MMP26: variants seen among roughly 807,000 people sequenced by gnomAD.
The protein encoded by MMP26 is matrix metallopeptidase 26.
MMP26 carries 33 observed loss-of-function variants against 31.0 expected under a neutral mutation model. That is an observed-to-expected ratio of 1.06 (90% CI 0.81 to 1.42). The LOEUF (loss-of-function observed/expected upper bound fraction) is 1.42, where lower values mean the gene tolerates loss of function less well. MMP26 is among the 40% of genes most tolerant of loss of function. The pLI, the probability that MMP26 is intolerant of heterozygous loss-of-function variation, is 0.00. For synonymous variants in MMP26, 122 were observed against 114.9 expected, an observed-to-expected ratio of 1.06 and a Z score of -0.40; for missense variants, 347 against 316.1, an observed-to-expected ratio of 1.10 and a Z score of -0.74.
At chr11:4,971,334 G>A (rs1846663333) in intron 2 of MMP26, among the ~76,000 whole-genome samples, 1 of 152,172 alleles carries the variant, frequency 6.6e-6, no homozygotes, top group African/African-American at 2.4e-5. Flanking sequence ...TCATTCAACA[G>A]GCTGTCAAAA....
At chr11:4,989,315 C>T (rs952291083) in intron 3 of MMP26, among the ~76,000 whole-genome samples, 4 of 152,146 alleles carry the variant, frequency 2.6e-5, no homozygotes, top group Admixed American at 6.5e-5. Context: ...GTCAGAAAGA[C>T]CAGAGGCCAT....
In MMP26 at chr11:4,882,608, C is replaced by T. The variant is rs775360853; in HGVS notation, c.-144-105460C>T. Reference sequence around the variant, plus strand: ...GGGCATTGTGGCCCGAAAGAAGCAACAAAAAGCTCTCAGCACTTGTGTCTG... The same window carrying T: ...GGGCATTGTGGCCCGAAAGAAGCAATAAAAAGCTCTCAGCACTTGTGTCTG... On this transcript the variant is annotated intron_variant, in intron 2 of 7. Transcript: ENST00000380390. The T allele has an allele frequency of 3.7e-6, 6 of 1,613,784 alleles. No individual in the cohort carries two copies. The East Asian group carries it at 6.7e-5, about 18-fold the overall frequency.
chr11:4,770,009 T>C (rs1171131756), intron 2 of MMP26: 32 of 676,366 alleles, frequency 4.7e-5, no homozygotes, highest in Non-Finnish European at 8.3e-5. Context: ...AGATACATTT[T>C]CTTTTAGTTA....
intron 1 of MMP26, among the ~76,000 whole-genome samples, chr11:4,726,132 C>A (rs1171857978): frequency 6.6e-6 from 1 of 152,190 alleles, no homozygotes; most frequent in Non-Finnish European, 1.5e-5. Context: ...GCCCCCCAAA[C>A]CACTAAGCTT....
intron 2 of MMP26, among the ~76,000 whole-genome samples, chr11:4,798,211 A>T (rs554841073): frequency 2.0e-5 from 3 of 152,324 alleles, no homozygotes; most frequent in Non-Finnish European, 2.9e-5. Context: ...GGGTGAAGGG[A>T]AGAGACAAGC....
intron 2 of MMP26, among the ~76,000 whole-genome samples, chr11:4,793,109 TACA>T (rs1409379575): frequency 6.6e-6 from 1 of 152,202 alleles, no homozygotes; most frequent in African/African-American, 2.4e-5. Context: ...AAGCAGTATC[TACA>T]ACAAGACTAT....
intron 1 of MMP26, among the ~76,000 whole-genome samples, chr11:4,726,411 G>A (rs1325420197): frequency 2.6e-5 from 4 of 151,732 alleles, no homozygotes; most frequent in Non-Finnish European, 4.4e-5. Flanking sequence ...GAAATGAGCC[G>A]AGATCACGCC....
intron 2 of MMP26, chr11:4,794,200 G>A (rs1022782288): frequency 6.6e-6 from 1 of 152,212 alleles, no homozygotes; most frequent in Non-Finnish European, 1.5e-5. Context: ...ATCTAGCTGA[G>A]GCAGAAGGGC....
At chr11:4,709,400 A>T (rs1300949027) in intron 1 of MMP26, among the ~76,000 whole-genome samples, 2 of 152,206 alleles carry the variant, frequency 1.3e-5, no homozygotes, top group Non-Finnish European at 2.9e-5. Context: ...TCATTCAAGA[A>T]CACATATAAG....
intron 2 of MMP26, among the ~76,000 whole-genome samples, chr11:4,939,450 G>A (rs1194672373): frequency 6.6e-6 from 1 of 152,108 alleles, no homozygotes; most frequent in Non-Finnish European, 1.5e-5. Flanking sequence ...TCAGAACACA[G>A]TTCCTCGGCT....
chr11:4,773,448 C>T (rs1291900281), intron 2 of MMP26, among the ~76,000 whole-genome samples: 1 of 152,140 alleles, frequency 6.6e-6, no homozygotes, highest in Non-Finnish European at 1.5e-5. Flanking sequence ...CCACAAGGAA[C>T]TAATAGAATC....
intron 2 of MMP26, among the ~76,000 whole-genome samples, chr11:4,984,387 G>T (rs1488027496): frequency 6.6e-6 from 1 of 152,146 alleles, no homozygotes; most frequent in Non-Finnish European, 1.5e-5. Flanking sequence ...TGCATTCTTG[G>T]CACAGCGTAT....
intron 2 of MMP26, among the ~76,000 whole-genome samples, chr11:4,887,919 G>T (rs967964623): frequency 1.3e-5 from 2 of 152,076 alleles, no homozygotes. Flanking sequence ...TCTGGGAGGA[G>T]ATAAGGAAGA....
At chr11:4,946,342 G>A (rs778619568) in intron 2 of MMP26, 1 of 1,613,834 alleles carries the variant, frequency 6.2e-7, no homozygotes. Flanking sequence ...TGATGGGCAG[G>A]TAGAAGATGA....
At chr11:4,855,623 A>C (rs1266541476) in intron 2 of MMP26, among the ~76,000 whole-genome samples, 2 of 152,226 alleles carry the variant, frequency 1.3e-5, no homozygotes, top group Non-Finnish European at 2.9e-5. Flanking sequence ...GACAGGGAGA[A>C]TGGAATGAAG....
chr11:4,839,031 T>G (rs1194053678), intron 2 of MMP26, among the ~76,000 whole-genome samples: 1 of 152,026 alleles, frequency 6.6e-6, no homozygotes, highest in Non-Finnish European at 1.5e-5. Flanking sequence ...GAAATGAAAT[T>G]CTGATGCATT....
At chr11:4,848,134 C>T in intron 2 of MMP26, 2 of 1,225,464 alleles carry the variant, frequency 1.6e-6, no homozygotes, top group African/African-American at 1.5e-5. Context: ...CATATATGCA[C>T]TTATGTGTAC....
At chr11:4,876,952 T>C in intron 2 of MMP26, 1 of 155,318 alleles carries the variant, frequency 6.4e-6, no homozygotes. Context: ...CGCTTTCCTT[T>C]GCACTATGCT....
At chr11:4,940,406 C>A (rs569426806) in intron 2 of MMP26, among the ~76,000 whole-genome samples, 1 of 152,238 alleles carries the variant, frequency 6.6e-6, no homozygotes, top group South Asian at 2.1e-4. Flanking sequence ...GTTAATTTAA[C>A]ATTTAGTCCA....
Sources: allele counts gnomAD v4.1 joint callset (sites outside exome capture counted in the v4.1 genomes callset), GRCh38; gene constraint gnomAD v4.1.1; transcripts MANE v1.5; gene names NCBI Gene and HGNC (gene_info 2026-07-23, HGNC 2026-07-21).